Variants in BCAT1 observed in about 807,000 individuals in gnomAD.
The protein encoded by BCAT1 is branched-chain-amino-acid aminotransferase, cytosolic.
Under a neutral mutation model 52.4 loss-of-function variants are expected in BCAT1, and 48 were observed. That is an observed-to-expected ratio of 0.92 (90% CI 0.73 to 1.16). The LOEUF (loss-of-function observed/expected upper bound fraction) is 1.16. Ranked by LOEUF, BCAT1 falls within the 50% of genes most tolerant of loss-of-function variation. BCAT1 has a pLI of 0.00. For synonymous variants in BCAT1, 167 were observed against 161.3 expected (o/e 1.04, Z -0.27); for missense variants, 451 against 457.1 (o/e 0.99, Z 0.12).
chr12:24,941,095 T>C (rs753139480), intron 1 of BCAT1, among the ~76,000 whole-genome samples: 15 of 152,272 alleles, frequency 9.9e-5, no homozygotes, highest in Admixed American at 1.3e-4. Flanking sequence ...TCCCTTTGCA[T>C]ACTGCCTTAA....
chr12:24,894,546 GAA>G (rs61127951), intron 2 of BCAT1, 71 bp from the exon 3 acceptor site: 16,420 of 988,694 alleles, frequency 0.017, 274 homozygotes, highest in South Asian at 0.068. Flanking sequence ...ATACAGAGGG[GAA>G]AAAAAAAAAG....
intron 3 of BCAT1, among the ~76,000 whole-genome samples, chr12:24,888,603 C>T (rs1243051164): frequency 2.6e-5 from 4 of 152,136 alleles, no homozygotes; most frequent in African/African-American, 9.7e-5. Context: ...CACATAGTAG[C>T]CACTCAACAT....
chr12:24,897,618 A>T (rs530894252), intron 2 of BCAT1, among the ~76,000 whole-genome samples: 1 of 152,136 alleles, frequency 6.6e-6, no homozygotes, highest in Non-Finnish European at 1.5e-5. Context: ...CAGTGATGTG[A>T]TCTGGGCTCA....
chr12:24,860,395 C>CT (rs34370749), intron 5 of BCAT1, among the ~76,000 whole-genome samples: 51 of 151,206 alleles, frequency 3.4e-4, no homozygotes, highest in Admixed American at 5.3e-4. Flanking sequence ...GTCAAGAAAC[C>CT]TTTTTTTTTG....
intron 9 of BCAT1, chr12:24,830,776 G>A (rs1395416989): frequency 6.6e-6 from 1 of 152,122 alleles, no homozygotes; most frequent in Non-Finnish European, 1.5e-5. Flanking sequence ...TTACCTTGAT[G>A]CATTCTTATC....
intron 1 of BCAT1, among the ~76,000 whole-genome samples, chr12:24,913,066 G>GT (rs1453640497): frequency 6.6e-6 from 1 of 152,056 alleles, no homozygotes; most frequent in East Asian, 1.9e-4. Flanking sequence ...TGTTTTGTTT[G>GT]TTTTTTTAAG....
intron 9 of BCAT1, 129 bp from the exon 10 acceptor site, chr12:24,830,026 C>T (rs2139370972): frequency 1.7e-6 from 1 of 587,852 alleles, no homozygotes; most frequent in Non-Finnish European, 2.8e-6. Flanking sequence ...CTAAAACCTA[C>T]TGACTCTGAG....
At chr12:24,842,905 T>G (rs902579510) in intron 6 of BCAT1, among the ~76,000 whole-genome samples, 2 of 152,214 alleles carry the variant, frequency 1.3e-5, no homozygotes, top group Admixed American at 1.3e-4. Flanking sequence ...GTTATAATAC[T>G]TTTAAGGTAT....
At chr12:24,880,631 A>T (rs1392762255) in intron 4 of BCAT1, among the ~76,000 whole-genome samples, 2 of 152,220 alleles carry the variant, frequency 1.3e-5, no homozygotes, top group Non-Finnish European at 1.5e-5. Flanking sequence ...TAAAGCAATT[A>T]GGCAAAATAT....
At chr12:24,902,998 G>C in intron 1 of BCAT1, 1 of 1,459,482 alleles carries the variant, frequency 6.9e-7, no homozygotes, top group Non-Finnish European at 9.0e-7. Context: ...TGGGGAGGCT[G>C]CGGGGACGCG....
At chr12:24,845,817 G>A (rs1941327551) in intron 6 of BCAT1, among the ~76,000 whole-genome samples, 1 of 152,126 alleles carries the variant, frequency 6.6e-6, no homozygotes, top group Non-Finnish European at 1.5e-5. Context: ...AGTGACTCAG[G>A]ACACCGAGGC....
chr12:24,898,444 T>C (rs143236875), intron 2 of BCAT1, among the ~76,000 whole-genome samples: 106 of 148,302 alleles, frequency 7.1e-4, no homozygotes, highest in Middle Eastern at 3.6e-3. Context: ...TGTTCTGAAA[T>C]AGGGAGGCTC....
chr12:24,871,912 A>T (rs1387174771), intron 5 of BCAT1, among the ~76,000 whole-genome samples: 1 of 152,248 alleles, frequency 6.6e-6, no homozygotes, highest in Non-Finnish European at 1.5e-5. Context: ...AAATATATTG[A>T]GTTATGCAAA....
intron 1 of BCAT1, among the ~76,000 whole-genome samples, chr12:24,905,514 C>T (rs1943211071): frequency 6.6e-6 from 1 of 152,156 alleles, no homozygotes; most frequent in Non-Finnish European, 1.5e-5. Flanking sequence ...CAATGTAAGA[C>T]CCAATGAAAG....
intron 1 of BCAT1, chr12:24,902,090 C>A (rs1943120793): frequency 3.4e-6 from 5 of 1,478,510 alleles, no homozygotes; most frequent in Admixed American, 2.4e-5. Context: ...TCCCACCCTG[C>A]CGGGGTCGCG....
chr12:24,940,738 G>A (rs1006610469), intron 1 of BCAT1, among the ~76,000 whole-genome samples: 1 of 152,140 alleles, frequency 6.6e-6, no homozygotes, highest in South Asian at 2.1e-4. Context: ...GAATATAGTA[G>A]GTGCCAGAAC....
chr12:24,825,295 A>G (rs973357851), intron 10 of BCAT1, among the ~76,000 whole-genome samples: 5 of 151,984 alleles, frequency 3.3e-5, no homozygotes, highest in African/African-American at 1.2e-4. Flanking sequence ...TTTCTTTTGG[A>G]TATATACCCG....
intron 1 of BCAT1, among the ~76,000 whole-genome samples, chr12:24,943,335 A>G (rs1943875999): frequency 6.6e-6 from 1 of 151,940 alleles, no homozygotes; most frequent in Non-Finnish European, 1.5e-5. Flanking sequence ...TCTACAAAAA[A>G]TACAAAAATT....
At chr12:24,884,638 A>C (rs1942605345) in intron 3 of BCAT1, among the ~76,000 whole-genome samples, 1 of 152,220 alleles carries the variant, frequency 6.6e-6, no homozygotes, top group East Asian at 1.9e-4. Flanking sequence ...AAATTTAATA[A>C]AAATTGTATG....
Sources: allele counts gnomAD v4.1 joint callset (sites outside exome capture counted in the v4.1 genomes callset), GRCh38; gene constraint gnomAD v4.1.1; transcripts MANE v1.5; gene names NCBI Gene and HGNC (gene_info 2026-07-23, HGNC 2026-07-21).